COL6A3: variants seen among roughly 807,000 people sequenced by gnomAD.
The protein encoded by COL6A3 is collagen alpha-3(VI) chain.
Under a neutral mutation model 274.1 loss-of-function variants are expected in COL6A3, and 137 were observed. The ratio of observed to expected loss-of-function variants is 0.50; its 90% confidence interval spans 0.44 to 0.58. The LOEUF (loss-of-function observed/expected upper bound fraction) is 0.58. Among genes scored for constraint, COL6A3 ranks in the 20% least tolerant of loss-of-function variants. The pLI, the probability that COL6A3 is intolerant of heterozygous loss-of-function variation, is 0.00. For missense variants in COL6A3, 3,950 were observed against 4,124.9 expected (o/e 0.96, Z 1.16); for synonymous variants, 1,650 against 1,650.6 (o/e 1.00, Z 0.01).
chr2:237,354,468 A>C (rs1290335700), intron 24 of COL6A3, among the ~76,000 whole-genome samples: 1 of 152,134 alleles, frequency 6.6e-6, no homozygotes, highest in East Asian at 1.9e-4. Flanking sequence ...GTTTTTCACT[A>C]AGCCTAACTA....
In COL6A3 at chr2:237,374,337, C is replaced by G; in HGVS notation, c.3679+75G>C. 3.1e-6 allele frequency: 5 copies of G among 1,593,584 alleles called. No individual in the cohort carries two copies. Among genetic ancestry groups the G allele is most frequent in the South Asian group, 2.2e-5 (2 of 90,094 alleles). ...GGCAGGAAAAGCAAAATTGAGAACA[C>G]CTTGTGGCCCACAGTCCAGACAAGT... is the stretch of plus-strand genomic sequence containing the variant. On this transcript the variant is annotated intron_variant, in intron 8 of 43. Transcript: ENST00000295550. The surrounding 1 kb of genome is among the most constrained non-coding windows in gnomAD (Gnocchi z 4.8).
intron 42 of COL6A3, among the ~76,000 whole-genome samples, chr2:237,332,074 T>C (rs1239042911): frequency 2.0e-4 from 1 of 4,982 alleles, no homozygotes; most frequent in Non-Finnish European, 3.3e-4. Flanking sequence ...TCTCTACATA[T>C]ATATATATAT....
intron 23 of COL6A3, 70 bp from the exon 24 acceptor site, chr2:237,355,004 T>C (rs1206725010): frequency 7.2e-7 from 1 of 1,394,418 alleles, no homozygotes; most frequent in African/African-American, 1.4e-5. Flanking sequence ...CTAGAGCTCT[T>C]TCAGACTTCA....
intron 10 of COL6A3, among the ~76,000 whole-genome samples, chr2:237,367,891 G>A (rs2077591109): frequency 6.6e-6 from 1 of 152,190 alleles, no homozygotes; most frequent in South Asian, 2.1e-4. Context: ...GAGGAGAAAG[G>A]ATGAGAGACA....
At chr2:237,380,041 A>C (rs1241765137) in intron 5 of COL6A3, among the ~76,000 whole-genome samples, 1 of 152,266 alleles carries the variant, frequency 6.6e-6, no homozygotes, top group Admixed American at 6.5e-5. Context: ...GCCCTACTGT[A>C]ATTTAGACCT....
rs557453812 is a variant in COL6A3, at chr2:237,408,433, G to A, written c.-31+5520C>T. Among the ~76,000 whole-genome samples the A allele has an allele frequency of 3.3e-5, 5 of 152,318 alleles. No individual in the cohort carries two copies. In the East Asian group the frequency reaches 5.8e-4, roughly 18 times the overall value. ...AAACAGAGCACCCTGGTGCACCGCC[G>A]GGCCGGCTGTGGGTTTAGCTGAGTT... On this transcript the variant is annotated intron_variant, in intron 1 of 43. Coordinates refer to ENST00000295550, the MANE Select transcript of COL6A3 (RefSeq NM_004369.4).
Position 237,387,759 on chromosome 2 carries a change from G to C in COL6A3, c.1135C>G (p.Leu379Val). ...GCCCTGGAGGCGGCCTGGGCTCCAA[G>C]GCCGAATGAGAACACGCTAGCCTGC... The part of the protein sequence containing the change: ...LKQASVFSFG[L>V]GAQAASRAEL... Residue 379 changes from leucine (L) to valine (V), a missense_variant, in exon 4 of 44, where the codon CTT becomes GTT. Transcript: ENST00000295550. The C allele has an allele frequency of 6.2e-7, 1 of 1,614,070 alleles. No individual in the cohort carries two copies. Among genetic ancestry groups the C allele is most frequent in the Non-Finnish European group, 8.5e-7 (1 of 1,179,982 alleles).
At chr2:237,360,406 C>T (rs1000935317) in intron 16 of COL6A3, among the ~76,000 whole-genome samples, 3 of 152,188 alleles carry the variant, frequency 2.0e-5, no homozygotes, top group East Asian at 1.9e-4. Flanking sequence ...GACAGCACTG[C>T]CCTGTGGGGC....
intron 38 of COL6A3, 39 bp from the exon 39 acceptor site, chr2:237,339,156 C>T (rs555508320): frequency 7.2e-7 from 1 of 1,379,782 alleles, no homozygotes; most frequent in East Asian, 2.3e-5. Context: ...GAACCGCATG[C>T]TAATAACATG....
At position 237,378,828 on chromosome 2, in the gene COL6A3, C is replaced by A. The variant is rs142719863; in HGVS notation, c.2305G>T (p.Ala769Ser). The change falls in exon 6 of 44, where the codon GCG (alanine) becomes TCG (serine). Residue 769 changes from alanine to serine, a missense_variant. Physicochemically the swap from Ala to Ser is moderately conservative, Grantham distance 99. This residue lies in a region of COL6A3 where 1,934 missense variants were observed against 1,984.3 expected (regional missense o/e 0.97). Transcript: ENST00000295550. Reference sequence around the variant, plus strand: ...CCCACACAAAAAGTCAGGATGCCCGCGCGTGTCAAGGCGTTGGCAGCTTGC... The same window carrying A: ...CCCACACAAAAAGTCAGGATGCCCGAGCGTGTCAAGGCGTTGGCAGCTTGC... The part of the protein sequence containing the change: ...YLQAANALTR[A>S]GILTFCVGAS... 3.7e-6 allele frequency: 6 copies of A among 1,614,218 alleles called. No individual in the cohort carries two copies. Among genetic ancestry groups the A allele is most frequent in the South Asian group, 3.3e-5 (3 of 91,082 alleles).
intron 1 of COL6A3, among the ~76,000 whole-genome samples, chr2:237,404,591 G>C (rs1480525775): frequency 6.6e-6 from 1 of 152,264 alleles, no homozygotes; most frequent in South Asian, 2.1e-4. Context: ...GTTGAGTCTG[G>C]GATGGGAAGA....
rs2078895515 is a variant in COL6A3 at position 237,413,070 on chromosome 2, G to T, written c.-31+883C>A. On this transcript the variant is annotated intron_variant, in intron 1 of 43. Coordinates refer to ENST00000295550, the MANE Select transcript of COL6A3 (RefSeq NM_004369.4). This position sits in a 1 kb window ranked among gnomAD's most constrained non-coding sequence, Gnocchi z 4.0. ...CCCCTTGAAACAGGTTCCCCAAACAGGCTGGCCACTGTCAGCGAACGTGTC... is the reference window on the plus strand; with the variant it reads ...CCCCTTGAAACAGGTTCCCCAAACATGCTGGCCACTGTCAGCGAACGTGTC... 6.6e-6 allele frequency among the ~76,000 whole-genome samples: 1 copy of T among 152,174 alleles called. No individual in the cohort carries two copies. The highest frequency in any genetic ancestry group is 1.5e-5 in the Non-Finnish European group (1 of 68,000).
intron 7 of COL6A3, 139 bp downstream of exon 7, chr2:237,376,633 A>G: frequency 1.2e-6 from 1 of 845,282 alleles, no homozygotes; most frequent in Non-Finnish European, 2.0e-6. Flanking sequence ...TTCCTGCTGA[A>G]ACCAGCAGGT....
At chr2:237,359,953 C>CA in intron 17 of COL6A3, 135 bp downstream of exon 17, 1 of 887,728 alleles carries the variant, frequency 1.1e-6, no homozygotes, top group South Asian at 1.4e-5. Context: ...AACTGCCTTC[C>CA]AATGAGAGGT....
chr2:237,393,303 C>T (rs2078340308), intron 3 of COL6A3, among the ~76,000 whole-genome samples: 1 of 152,170 alleles, frequency 6.6e-6, no homozygotes, highest in East Asian at 1.9e-4. Context: ...TTCAAATCAG[C>T]AGTTGCTTCC....
chr2:237,358,438 T>C, intron 21 of COL6A3, 83 bp downstream of exon 21: 2 of 1,147,536 alleles, frequency 1.7e-6, no homozygotes, highest in South Asian at 2.5e-5. Flanking sequence ...ATTTCAAAAG[T>C]AGAATTCTTC....
In COL6A3 at chr2:237,413,711, G is replaced by A. The variant is rs1041739689; in HGVS notation, c.-31+242C>T. Among the ~76,000 whole-genome samples the A allele has an allele frequency of 1.3e-5, 2 of 152,172 alleles. No homozygotes were observed. Among genetic ancestry groups the A allele is most frequent in the Non-Finnish European group, 2.9e-5 (2 of 68,030 alleles). On this transcript the variant is annotated intron_variant, in intron 1 of 43. Coordinates refer to ENST00000295550, the MANE Select transcript of COL6A3 (RefSeq NM_004369.4). This position sits in a 1 kb window ranked among gnomAD's most constrained non-coding sequence, Gnocchi z 4.0. ...GGGCGCGTGTAGCAGCCACAGACAC[G>A]CGGTGGAAAAGTGCTCACACTCTTA...
At chr2:237,404,954 A>G (rs933360754) in intron 1 of COL6A3, among the ~76,000 whole-genome samples, 1 of 152,208 alleles carries the variant, frequency 6.6e-6, no homozygotes, top group Admixed American at 6.5e-5. Context: ...TTGGAGGAGT[A>G]GCCCCCTCAG....
chr2:237,372,158 T>A lies in COL6A3; in HGVS notation c.3859A>T (p.Asn1287Tyr), dbSNP rs35799634. The part of the protein sequence containing the change: ...SDDPKVEFLL[N>Y]AHSSKDEVQN... Reference sequence around the variant, plus strand: ...ACTTCATCCTTGCTGGAATGGGCGTTCAGCAGGAACTCCACCTTGGGGTCA... The same window carrying A: ...ACTTCATCCTTGCTGGAATGGGCGTACAGCAGGAACTCCACCTTGGGGTCA... Residue 1287 changes from asparagine to tyrosine, a missense_variant, in exon 9 of 44, where the codon AAC becomes TAC. Physicochemically the swap from Asn to Tyr is moderately radical, Grantham distance 143 (BLOSUM62 -2). Transcript: ENST00000295550. 2.2e-5 allele frequency: 35 copies of A among 1,613,998 alleles called. No homozygotes were observed. Among genetic ancestry groups the A allele is most frequent in the Non-Finnish European group, 2.7e-5 (32 of 1,180,046 alleles).
Sources: allele counts gnomAD v4.1 joint callset (sites outside exome capture counted in the v4.1 genomes callset), GRCh38; gene constraint gnomAD v4.1.1; regional missense constraint gnomAD v4.1.1; non-coding constraint Gnocchi (gnomAD v3.1); transcripts MANE v1.5; gene names NCBI Gene and HGNC (gene_info 2026-07-23, HGNC 2026-07-21).